The following C10orf67 variants were observed in gnomAD, a reference collection of about 807,000 sequenced individuals.
C10orf67 encodes uncharacterized protein C10orf67, mitochondrial.
Under a neutral mutation model 35.6 loss-of-function variants are expected in C10orf67, and 60 were observed. That is an observed-to-expected ratio of 1.68 (90% CI 1.37 to 2.09). The LOEUF (loss-of-function observed/expected upper bound fraction) is 2.09. Ranked by LOEUF, C10orf67 falls within the 30% of genes most tolerant of loss-of-function variation. The pLI, the probability that C10orf67 is intolerant of heterozygous loss-of-function variation, is 0.00. For synonymous variants in C10orf67, 167 were observed against 115.8 expected (o/e 1.44, Z -2.84); for missense variants, 474 against 330.2 (o/e 1.44, Z -3.38).
rs34805547 is a variant in C10orf67, at chr10:23,339,402, CAAAAAAAAAA to C, written c.206+5157_206+5166del. 3.9e-3 allele frequency among the ~76,000 whole-genome samples: 280 copies of C among 72,330 alleles called. 2 individuals carry two copies. The highest frequency in any genetic ancestry group is 0.014 in the African/African-American group (271 of 19,570). 47.5% of individuals were successfully genotyped at this position (72,330 alleles called of 152,430 possible). ...ATAAAGATTAATGGAAAAAAGGCAG[CAAAAAAAAAA>C]AAAAAAAAAAAAGGCAGAACTTTTA... is the stretch of plus-strand genomic sequence containing the variant. On this transcript the variant is annotated intron_variant, in intron 1 of 15. Coordinates refer to ENST00000636213, the MANE Select transcript of C10orf67 (RefSeq NM_001371909.1).
chr10:23,294,256 G>T (rs758968594), intron 5 of C10orf67, among the ~76,000 whole-genome samples: 1 of 152,106 alleles, frequency 6.6e-6, no homozygotes, highest in South Asian at 2.1e-4. Context: ...AGATATGCTC[G>T]CAATGGAAGG....
intron 13 of C10orf67, among the ~76,000 whole-genome samples, chr10:23,226,626 C>T (rs1386785548): frequency 6.6e-6 from 1 of 151,984 alleles, no homozygotes; most frequent in Non-Finnish European, 1.5e-5. Flanking sequence ...GCAAAAAACC[C>T]TTCAAAAAAT....
intron 7 of C10orf67, among the ~76,000 whole-genome samples, chr10:23,288,180 T>C (rs979571015): frequency 6.6e-6 from 1 of 152,248 alleles, no homozygotes; most frequent in Non-Finnish European, 1.5e-5. Flanking sequence ...ATATGTTTAC[T>C]GCAGCATTAT....
chr10:23,254,749 T>C (rs1219620311), intron 10 of C10orf67, among the ~76,000 whole-genome samples: 1 of 152,172 alleles, frequency 6.6e-6, no homozygotes. Context: ...AAATTATGTT[T>C]ATTAACTGCC....
At chr10:23,275,711 C>T (rs1301063213) in intron 8 of C10orf67, among the ~76,000 whole-genome samples, 1 of 152,104 alleles carries the variant, frequency 6.6e-6, no homozygotes, top group Non-Finnish European at 1.5e-5. Context: ...CTCAACTGAC[C>T]CCTCTGTGTT....
intron 7 of C10orf67, among the ~76,000 whole-genome samples, chr10:23,282,513 A>G (rs1843397767): frequency 6.6e-6 from 1 of 152,198 alleles, no homozygotes; most frequent in Non-Finnish European, 1.5e-5. Flanking sequence ...CTGTAATCCC[A>G]GTGCTTTGAG....
intron 8 of C10orf67, among the ~76,000 whole-genome samples, chr10:23,275,437 G>C (rs939162725): frequency 1.3e-5 from 2 of 152,110 alleles, no homozygotes; most frequent in African/African-American, 2.4e-5. Flanking sequence ...TGTCCCCCTT[G>C]TGTTGCTCAG....
intron 4 of C10orf67, among the ~76,000 whole-genome samples, chr10:23,307,127 A>G (rs1292983139): frequency 6.6e-6 from 1 of 152,204 alleles, no homozygotes; most frequent in Non-Finnish European, 1.5e-5. Context: ...ATTACTCTGA[A>G]GAACTATATT....
At chr10:23,291,753 C>G (rs1364552095) in intron 5 of C10orf67, among the ~76,000 whole-genome samples, 1 of 152,126 alleles carries the variant, frequency 6.6e-6, no homozygotes, top group Non-Finnish European at 1.5e-5. Context: ...CTGCCAGTGT[C>G]ATGAGGAGCA....
At chr10:23,254,500 A>C (rs1588619895) in intron 10 of C10orf67, among the ~76,000 whole-genome samples, 1 of 100,938 alleles carries the variant, frequency 9.9e-6, no homozygotes, top group East Asian at 2.6e-4. Context: ...ATGAGCCACC[A>C]CTACTGGCTG....
intron 12 of C10orf67, among the ~76,000 whole-genome samples, chr10:23,246,557 G>A (rs1005375710): frequency 1.3e-5 from 2 of 152,052 alleles, no homozygotes; most frequent in African/African-American, 4.8e-5. Context: ...ATGAAAAAGG[G>A]ACATCACCAG....
At chr10:23,239,036 CA>C (rs892393749) in intron 13 of C10orf67, among the ~76,000 whole-genome samples, 27 of 149,490 alleles carry the variant, frequency 1.8e-4, no homozygotes, top group African/African-American at 5.7e-4. Context: ...CCTCTCGAAG[CA>C]AAAAAAAAGA....
chr10:23,229,564 C>G (rs1351105672), intron 13 of C10orf67, among the ~76,000 whole-genome samples: 1 of 151,880 alleles, frequency 6.6e-6, no homozygotes, highest in Non-Finnish European at 1.5e-5. Context: ...CACATGTTCC[C>G]TAGAACTTAA....
intron 8 of C10orf67, among the ~76,000 whole-genome samples, chr10:23,268,161 G>C (rs185684340): frequency 1.4e-3 from 207 of 152,148 alleles, no homozygotes; most frequent in African/African-American, 4.9e-3. Flanking sequence ...CAGGTGTGGT[G>C]GTGTGTACCT....
chr10:23,259,494 C>T (rs1179660133), intron 10 of C10orf67, among the ~76,000 whole-genome samples: 1 of 151,888 alleles, frequency 6.6e-6, no homozygotes, highest in Non-Finnish European at 1.5e-5. Flanking sequence ...AATGTCAAAA[C>T]AAAACCAAAC....
At chr10:23,228,896 A>G (rs1841825220) in intron 13 of C10orf67, among the ~76,000 whole-genome samples, 1 of 152,190 alleles carries the variant, frequency 6.6e-6, no homozygotes, top group Non-Finnish European at 1.5e-5. Context: ...ACCATCTCAC[A>G]CCAATTAGAA....
chr10:23,228,696 A>G (rs1411361817), intron 13 of C10orf67, among the ~76,000 whole-genome samples: 1 of 152,232 alleles, frequency 6.6e-6, no homozygotes, highest in South Asian at 2.1e-4. Context: ...TCTTCTGACA[A>G]AGGGCTAATA....
intron 4 of C10orf67, among the ~76,000 whole-genome samples, chr10:23,309,455 G>A (rs1844415671): frequency 6.6e-6 from 1 of 152,118 alleles, no homozygotes; most frequent in African/African-American, 2.4e-5. Context: ...TCAATATTGG[G>A]GGATGGATAT....
intron 10 of C10orf67, among the ~76,000 whole-genome samples, chr10:23,260,291 G>A (rs533733272): frequency 1.3e-5 from 2 of 151,808 alleles, no homozygotes; most frequent in African/African-American, 4.8e-5. Flanking sequence ...AATATATTTC[G>A]GAAAAATACC....
Sources: gnomAD v4.1 joint callset for allele counts (sites outside exome capture counted in the v4.1 genomes callset) on GRCh38, gnomAD v4.1.1 for gene constraint, MANE v1.5 for transcripts, NCBI Gene and HGNC (gene_info 2026-07-23, HGNC 2026-07-21) for gene names.